The following NR1D1 variants were observed in gnomAD, a reference collection of about 807,000 sequenced individuals.
The protein encoded by NR1D1 is nuclear receptor subfamily 1 group D member 1, also known as Rev-ErbAalpha.
Under a neutral mutation model 51.1 loss-of-function variants are expected in NR1D1, and 17 were observed. The ratio of observed to expected loss-of-function variants is 0.33; its 90% CI spans 0.23 to 0.50. The LOEUF (loss-of-function observed/expected upper bound fraction) is 0.50, where lower values mean the gene tolerates loss of function less well. Among genes scored for constraint, NR1D1 ranks in the 20% least tolerant of loss-of-function variants. The probability of loss-of-function intolerance (pLI) is 0.98; values close to 1 mark genes in which losing one functional copy is unlikely to be tolerated. For synonymous variants in NR1D1, 341 were observed against 333.4 expected (o/e 1.02, Z -0.25); for missense variants, 647 against 830.4 (o/e 0.78, Z 2.71).
rs200449276 is a variant in NR1D1 at position 40,096,738 on chromosome 17, C to T, written c.412G>A (p.Val138Ile). The T allele has an allele frequency of 2.4e-5, 39 of 1,614,104 alleles. No homozygotes were observed. The highest frequency in any genetic ancestry group is 3.3e-5 in the Admixed American group (2 of 60,008). ...MVLLCKVCGDVASGFHYGVHA... is the reference protein window; with the variant it reads ...MVLLCKVCGDIASGFHYGVHA... ...ACACCGTAGTGGAAGCCCGAGGCAA[C>T]GTCCCCACACACTTTACACAGTAAC... is the stretch of plus-strand genomic sequence containing the variant. Residue 138 changes from valine (V) to isoleucine (I), a missense_variant, in exon 3 of 8, where the codon GTT becomes ATT. Around this residue, in one of 7 missense-constraint regions of NR1D1, gnomAD observed 70 missense variants for 134.8 expected, o/e 0.52. Transcript: ENST00000246672.
Position 40,100,054 on chromosome 17 carries a change from A to G in NR1D1, c.31+10T>C. On this transcript the variant is annotated intron_variant, in intron 1 of 7. Transcript: ENST00000246672. ...ACAGGGAAAAGATGATAGTAAAGAA[A>G]TCTCAGTACCTGTGTTGTTGTTGGA... 6.3e-7 allele frequency: 1 copy of G among 1,599,942 alleles called. No individual in the cohort carries two copies. The highest frequency in any genetic ancestry group is 8.6e-7 in the Non-Finnish European group (1 of 1,167,076).
Position 40,096,588 on chromosome 17 carries a change from C to T in NR1D1, c.460-1G>A, listed in dbSNP as rs1265863678. Reference sequence around the variant, plus strand: ...GCTGGATGCTCCGACGGAAAAAGCCCTGGAGGGCAGGGGTGGTTAGTGACC... The same window carrying T: ...GCTGGATGCTCCGACGGAAAAAGCCTTGGAGGGCAGGGGTGGTTAGTGACC... On this transcript the variant is annotated splice_acceptor_variant, in intron 3 of 7. Transcript: ENST00000246672. LOFTEE classifies it high-confidence loss of function. The T allele has an allele frequency of 6.2e-7, 1 of 1,614,190 alleles. No individual in the cohort carries two copies. The highest frequency in any genetic ancestry group is 1.3e-5 in the African/African-American group (1 of 75,066).
Position 40,093,843 on chromosome 17 carries a change from T to G in NR1D1, c.1645+69A>C, listed in dbSNP as rs533443475. The stretch of plus-strand genomic sequence containing the variant: ...GCAGGGCCTGGCATAGAGTAGGTAC[T>G]CCATAAAAGGTGTGTTGAATTGAAC... On this transcript the variant is annotated intron_variant, in intron 7 of 7. Transcript: ENST00000246672. The surrounding 1 kb of genome is among the most constrained non-coding windows in gnomAD (Gnocchi z 5.9). The G allele has an allele frequency of 6.4e-6, 9 of 1,407,324 alleles. No individual in the cohort carries two copies. The African/African-American group carries it at 8.5e-5, about 13-fold the overall frequency. 87.2% of individuals were successfully genotyped at this position (1,407,324 alleles called of 1,614,324 possible).
chr17:40,100,342 T>G lies in NR1D1; in HGVS notation c.-248A>C, dbSNP rs879180498. 3 of 604,968 alleles carry G rather than the reference T, an allele frequency of 5.0e-6. No individual in the cohort carries two copies. In the South Asian group the frequency reaches 5.8e-5, roughly 12 times the overall value. 37.5% of individuals were successfully genotyped at this position (604,968 alleles called of 1,614,324 possible). On this transcript the variant is annotated 5_prime_UTR_variant, in exon 1 of 8. Transcript: ENST00000246672. ...GAGCAGAGAGAGTGTGTAGGGGGAA[T>G]CAGCCTGCAGTAGTTCTGGCTAGAA...
At position 40,093,833 on chromosome 17, in the gene NR1D1, GAGT is replaced by G; in HGVS notation, c.1645+76_1645+78del. 1 of 1,322,012 alleles carries G rather than the reference GAGT, an allele frequency of 7.6e-7. No individual in the cohort carries two copies. The highest frequency in any genetic ancestry group is 1.1e-6 in the Non-Finnish European group (1 of 926,572). The allele number at this position is 1,322,012 out of a possible 1,614,324, so 81.9% of individuals were successfully genotyped here. ...AGTGCCCGGTGCAGGGCCTGGCATA[GAGT>G]AGGTACTCCATAAAAGGTGTGTTGA... On this transcript the variant is annotated intron_variant, in intron 7 of 7. Coordinates refer to ENST00000246672, the MANE Select transcript of NR1D1 (RefSeq NM_021724.5). This position sits in a 1 kb window ranked among gnomAD's most constrained non-coding sequence, Gnocchi z 5.9.
At position 40,095,244 on chromosome 17, in the gene NR1D1, T is replaced by C. The variant is rs138399742; in HGVS notation, c.1249-124A>G. 2.3e-3 allele frequency: 2,755 copies of C among 1,172,488 alleles called. 27 individuals are homozygous for C. The Middle Eastern group carries it at 0.042, about 18-fold the overall frequency. 72.6% of individuals were successfully genotyped at this position (1,172,488 alleles called of 1,614,324 possible). ...GCTGTGGCCCTGAAGGATGGGTCTT[T>C]CAGATAAAGTAGCAATTAGGTGCCA... On this transcript the variant is annotated intron_variant, in intron 5 of 7. Transcript: ENST00000246672.
At chr17:40,094,209 G>T in intron 6 of NR1D1, 87 bp from the exon 7 acceptor site, 1 of 1,224,484 alleles carries the variant, frequency 8.2e-7, no homozygotes, top group Non-Finnish European at 1.2e-6. Flanking sequence ...GGGTTTAGCG[G>T]TGCTGCCTTC....
chr17:40,097,539 A>G, intron 1 of NR1D1, 136 bp from the exon 2 acceptor site: 1 of 706,610 alleles, frequency 1.4e-6, no homozygotes, highest in Non-Finnish European at 2.4e-6. Flanking sequence ...CTAATCTTGG[A>G]GTTAATAAGC....
chr17:40,095,541 T>C lies in NR1D1; in HGVS notation c.1151A>G (p.Asn384Ser), dbSNP rs200928699. Reference protein sequence around the residue: ...AHHSCHQSNSNGHRLCPTHVY... With the variant: ...AHHSCHQSNSSGHRLCPTHVY... ...GTGGGTGGGGCATAGACGGTGCCCG[T>C]TGCTGTTGGACTGGTGGCAGCTGTG... is the stretch of plus-strand genomic sequence containing the variant. The change falls in exon 5 of 8, where the codon AAC becomes AGC. Residue 384 changes from asparagine to serine, a missense_variant. Asn to Ser is a conservative substitution (Grantham distance 46, BLOSUM62 1). Transcript: ENST00000246672. 11 of 1,604,230 alleles carry C rather than the reference T, an allele frequency of 6.9e-6. No individual in the cohort carries two copies. The highest frequency in any genetic ancestry group is 4.5e-5 in the South Asian group (4 of 89,766).
In NR1D1 at chr17:40,097,216, G is replaced by A. The variant is rs9905506; in HGVS notation, c.219C>T (p.Pro73=). ...AAGGGGAGCCGTCATCACTCAGGCT[G>A]GGTGGAATGCTCCCAAAGGAGCGAG... ...DPARSFGSIP[P]SLSDDGSPSS... Residue 73 remains proline, a synonymous_variant, in exon 2 of 8, where the codon CCC becomes CCT. Coordinates refer to ENST00000246672, the MANE Select transcript of NR1D1 (RefSeq NM_021724.5). 5,801 of 1,611,766 alleles carry A rather than the reference G, an allele frequency of 3.6e-3. 205 individuals carry two copies. The African/African-American group carries it at 0.07, about 20-fold the overall frequency.
In NR1D1 at chr17:40,096,005, G is replaced by C. The variant is rs1470219003; in HGVS notation, c.687C>G (p.Asn229Lys). 3 of 1,612,740 alleles carry C rather than the reference G, an allele frequency of 1.9e-6. No individual in the cohort carries two copies. The highest frequency in any genetic ancestry group is 1.7e-5 in the Admixed American group (1 of 60,014). ...CCAGCGGGCACTGGCTGCTCAACTG[G>C]TTGTTGGCCAGGTTCATGGCACTCT... The part of the protein sequence containing the change: ...EMQSAMNLAN[N>K]QLSSQCPLET... Residue 229 changes from asparagine (N) to lysine (K), a missense_variant, in exon 5 of 8, where the codon AAC (asparagine) becomes AAG (lysine). By Grantham distance (94) the Asn-to-Lys change is moderately conservative. Transcript: ENST00000246672.
rs2145097941 is a variant in NR1D1, at chr17:40,093,712, T to C, written c.1645+200A>G. The C allele has an allele frequency of 3.1e-6, 2 of 639,230 alleles. No individual in the cohort carries two copies. Among genetic ancestry groups the C allele is most frequent in the East Asian group, 5.5e-5 (2 of 36,538 alleles). 39.6% of individuals were successfully genotyped at this position (639,230 alleles called of 1,614,324 possible). ...TAGTTGTCTGTGCTTCCTTGGTTCA[T>C]GCTTCTACTGTGACACTTATCTCAC... On this transcript the variant is annotated intron_variant, in intron 7 of 7. Transcript: ENST00000246672. This position sits in a 1 kb window ranked among gnomAD's most constrained non-coding sequence, Gnocchi z 5.9.
chr17:40,097,119 C>A lies in NR1D1; in HGVS notation c.316G>T (p.Ala106Ser), dbSNP rs1281820774. Reference protein sequence around the residue: ...NGSPPGSLQVAMEDSSRVSPS... With the variant: ...NGSPPGSLQVSMEDSSRVSPS... ...GACACTCGGCTGCTGTCCTCCATGG[C>A]CACTTGTAGACTCCCAGGGGGGCTC... Residue 106 changes from alanine to serine, a missense_variant, in exon 2 of 8, where the codon GCC becomes TCC. Transcript: ENST00000246672. The A allele has an allele frequency of 6.2e-7, 1 of 1,609,830 alleles. No homozygotes were observed. Among genetic ancestry groups the A allele is most frequent in the Non-Finnish European group, 8.5e-7 (1 of 1,177,686 alleles).
At chr17:40,098,096 C>A (rs1987800075) in intron 1 of NR1D1, among the ~76,000 whole-genome samples, 1 of 152,174 alleles carries the variant, frequency 6.6e-6, no homozygotes, top group Non-Finnish European at 1.5e-5. Context: ...CTCTAAAATT[C>A]CCCCTTCAGA....
rs1987859545 is a variant in NR1D1 at position 40,100,575 on chromosome 17, G to A, written c.-481C>T. The stretch of plus-strand genomic sequence containing the variant: ...TGTGCCCTGCTACGTTCCCTCGGCA[G>A]TAATATTTCACTCTGCCAATCTCAG... On this transcript the variant is annotated 5_prime_UTR_variant, in exon 1 of 8. Coordinates refer to ENST00000246672, the MANE Select transcript of NR1D1 (RefSeq NM_021724.5). The A allele has an allele frequency of 4.8e-6, 2 of 419,426 alleles. No homozygotes were observed. Among genetic ancestry groups the A allele is most frequent in the Non-Finnish European group, 4.2e-6 (1 of 237,220 alleles). 26.0% of individuals were successfully genotyped at this position (419,426 alleles called of 1,614,324 possible). A position where few individuals can be genotyped will look rare whatever the true frequency, so the allele number is the denominator to read the frequency against.
rs2065499734 is a variant in NR1D1 at position 40,100,204 on chromosome 17, G to A, written c.-110C>T. 1.2e-6 allele frequency: 1 copy of A among 840,646 alleles called. No individual in the cohort carries two copies. The highest frequency in any genetic ancestry group is 2.1e-6 in the Non-Finnish European group (1 of 484,016). 52.1% of individuals were successfully genotyped at this position (840,646 alleles called of 1,614,324 possible). ...TGGCTAAGGGCGGGGAGTGGACCCC[G>A]CGACTCACGATCAGGATCCGAAGCA... On this transcript the variant is annotated 5_prime_UTR_variant, in exon 1 of 8. Coordinates refer to ENST00000246672, the MANE Select transcript of NR1D1 (RefSeq NM_021724.5).
chr17:40,095,465 G>T lies in NR1D1; in HGVS notation c.1227C>A (p.Gly409=). 6.5e-7 allele frequency: 1 copy of T among 1,531,098 alleles called. No homozygotes were observed. The highest frequency in any genetic ancestry group is 8.8e-7 in the Non-Finnish European group (1 of 1,139,278). 94.8% of individuals were successfully genotyped at this position (1,531,098 alleles called of 1,614,324 possible). A position where few individuals can be genotyped will look rare whatever the true frequency, so the allele number is the denominator to read the frequency against. ...TTACCAGCAGAACATTCTTTGAGTT[G>T]CCCTGCCGGGGACTGTTGGCAGGTG... ...GKAPANSPRQ[G]NSKNVLLACP... The change falls in exon 5 of 8, where the codon GGC becomes GGA. Residue 409 remains glycine (G), a synonymous_variant. Coordinates refer to ENST00000246672, the MANE Select transcript of NR1D1 (RefSeq NM_021724.5).
In NR1D1 at chr17:40,093,275, C is replaced by G; in HGVS notation, c.1653G>C (p.Ser551=). ...CCACCGAAGCGGAATTCTCCATGCC[C>G]GAGCGGTCTGTGGGGAAGACGACAG... ...TAVVLVSADR[S]GMENSASVEQ... is the part of the protein sequence containing the mutation. The change falls in exon 8 of 8, where the codon TCG becomes TCC. Residue 551 remains serine (S), a synonymous_variant. Coordinates refer to ENST00000246672, the MANE Select transcript of NR1D1 (RefSeq NM_021724.5). The surrounding 1 kb of genome is among the most constrained non-coding windows in gnomAD (Gnocchi z 5.9). The G allele has an allele frequency of 6.2e-7, 1 of 1,613,674 alleles. No individual in the cohort carries two copies. Among genetic ancestry groups the G allele is most frequent in the Non-Finnish European group, 8.5e-7 (1 of 1,180,028 alleles).
At position 40,095,786 on chromosome 17, in the gene NR1D1, G is replaced by A. The variant is rs150627138; in HGVS notation, c.906C>T (p.Tyr302=). Residue 302 remains tyrosine (Y), a synonymous_variant, in exon 5 of 8, where the codon TAC becomes TAT. Transcript: ENST00000246672. The part of the protein sequence containing the change: ...VARAHREIFT[Y]AHDKLGSSPG... ...GTGAGCTGCCCAGCTTGTCATGGGC[G>A]TAGGTGAAGATCTCTCGATGGGCCC... is the stretch of plus-strand genomic sequence containing the variant. The A allele has an allele frequency of 4.7e-5, 76 of 1,614,050 alleles. No homozygotes were observed. The highest frequency in any genetic ancestry group is 3.0e-4 in the Admixed American group (18 of 59,994).
Sources: allele counts gnomAD v4.1 joint callset (sites outside exome capture counted in the v4.1 genomes callset), GRCh38; gene constraint gnomAD v4.1.1; regional missense constraint gnomAD v4.1.1; non-coding constraint Gnocchi (gnomAD v3.1); transcripts MANE v1.5; gene names NCBI Gene and HGNC (gene_info 2026-07-23, HGNC 2026-07-21).